Variants in GPC3 observed in about 807,000 individuals in gnomAD.
GPC3 encodes glypican 3, also known as glypican-3.
A neutral mutation model predicts 34.4 loss-of-function variants in GPC3; 3 were observed. The ratio of observed to expected loss-of-function variants is 0.09; its 90% CI spans 0.04 to 0.23. The LOEUF is 0.23. Among genes scored for constraint, GPC3 ranks in the 10% least tolerant of loss-of-function variants. GPC3 has a pLI of 1.00. For synonymous variants in GPC3, 177 were observed against 174.0 expected, an observed-to-expected ratio of 1.02 and a Z score of -0.13; for missense variants, 351 against 445.6, an observed-to-expected ratio of 0.79 and a Z score of 1.91.
intron 3 of GPC3, among the ~76,000 whole-genome samples, chrX:133,742,743 T>C (rs1201545230): frequency 9.0e-6 from 1 of 111,570 alleles, no homozygotes; most frequent in Non-Finnish European, 1.9e-5. Context: ...CTGATTACAA[T>C]CACTCTTCCC....
At chrX:133,601,863 C>A (rs1174811025) in intron 6 of GPC3, among the ~76,000 whole-genome samples, 1 of 111,591 alleles carries the variant, frequency 9.0e-6, no homozygotes, top group Non-Finnish European at 1.9e-5. Flanking sequence ...ATGGAGGTTT[C>A]TCAAAAAACT....
intron 2 of GPC3, among the ~76,000 whole-genome samples, chrX:133,828,636 G>C: frequency 9.0e-6 from 1 of 111,598 alleles, no homozygotes; most frequent in Non-Finnish European, 1.9e-5. Flanking sequence ...TGAAAAGGTT[G>C]AACTCACAGA....
chrX:133,661,487 AGACT>A (rs773588649), intron 6 of GPC3, among the ~76,000 whole-genome samples: 1 of 110,003 alleles, frequency 9.1e-6, no homozygotes, highest in Non-Finnish European at 1.9e-5. Context: ...TCTAGCAGAC[AGACT>A]ATTTGAAGAA....
intron 7 of GPC3, among the ~76,000 whole-genome samples, chrX:133,581,787 A>T (rs1469890738): frequency 8.9e-6 from 1 of 112,259 alleles, no homozygotes; most frequent in Admixed American, 9.4e-5. Flanking sequence ...TTCCACTCCA[A>T]TGGAGTCAGA....
At chrX:133,844,951 T>C (rs1422098735) in intron 2 of GPC3, among the ~76,000 whole-genome samples, 1 of 111,422 alleles carries the variant, frequency 9.0e-6, no homozygotes, top group African/African-American at 3.3e-5. Context: ...AAATACCTAA[T>C]CCAGGGCCAA....
At chrX:133,663,377 G>A (rs781527522) in intron 5 of GPC3, among the ~76,000 whole-genome samples, 2 of 111,301 alleles carry the variant, frequency 1.8e-5, no homozygotes, top group African/African-American at 3.2e-5. Flanking sequence ...CGTCCACCTC[G>A]GCCTCCCAAA....
At chrX:133,633,417 G>C (rs1220204900) in intron 6 of GPC3, among the ~76,000 whole-genome samples, 1 of 112,095 alleles carries the variant, frequency 8.9e-6, no homozygotes, top group Non-Finnish European at 1.9e-5. Flanking sequence ...TCAGGTATGG[G>C]AGGAAACACT....
At chrX:133,844,354 C>T (rs750644164) in intron 2 of GPC3, among the ~76,000 whole-genome samples, 30 of 112,111 alleles carry the variant, frequency 2.7e-4, no homozygotes, top group Non-Finnish European at 5.1e-4. Flanking sequence ...TTGTGATCAT[C>T]ATTTCACAAT....
chrX:133,947,686 T>C (rs771061458), intron 2 of GPC3, among the ~76,000 whole-genome samples: 3 of 112,260 alleles, frequency 2.7e-5, no homozygotes, highest in Non-Finnish European at 5.6e-5. Context: ...GTTGGTGCCA[T>C]GAAAGTCCAC....
At chrX:133,871,938 C>T (rs781044603) in intron 2 of GPC3, among the ~76,000 whole-genome samples, 87 of 111,624 alleles carry the variant, frequency 7.8e-4, no homozygotes, top group Middle Eastern at 4.7e-3. Flanking sequence ...CAGGTAACCA[C>T]AGCCACCCTC....
At chrX:133,932,824 G>A (rs2076304329) in intron 2 of GPC3, among the ~76,000 whole-genome samples, 1 of 110,831 alleles carries the variant, frequency 9.0e-6, no homozygotes, top group Non-Finnish European at 1.9e-5. Flanking sequence ...ACCTATTAAT[G>A]GACCCCAGTT....
intron 4 of GPC3, among the ~76,000 whole-genome samples, chrX:133,692,870 T>A (rs762414515): frequency 8.9e-6 from 1 of 111,797 alleles, no homozygotes; most frequent in South Asian, 3.8e-4. Context: ...TGTAATTGGG[T>A]GCATTGATTG....
chrX:133,595,696 G>A (rs1367616264), intron 7 of GPC3, among the ~76,000 whole-genome samples: 1 of 110,283 alleles, frequency 9.1e-6, no homozygotes, highest in Non-Finnish European at 1.9e-5. Context: ...TTGTATTTTT[G>A]TAGAGACAGG....
intron 2 of GPC3, among the ~76,000 whole-genome samples, chrX:133,940,346 C>G (rs2076340621): frequency 9.0e-6 from 1 of 111,634 alleles, no homozygotes; most frequent in Non-Finnish European, 1.9e-5. Flanking sequence ...TATCTTCTAG[C>G]TCCAAGGGAG....
At chrX:133,680,197 C>T (rs2070926557) in intron 5 of GPC3, among the ~76,000 whole-genome samples, 1 of 111,357 alleles carries the variant, frequency 9.0e-6, no homozygotes, top group South Asian at 3.8e-4. Context: ...TCTTAGTGCT[C>T]CCTAATAGTA....
At chrX:133,717,449 C>T (rs1331388546) in intron 3 of GPC3, among the ~76,000 whole-genome samples, 3 of 111,186 alleles carry the variant, frequency 2.7e-5, no homozygotes, top group Non-Finnish European at 5.7e-5. Flanking sequence ...AGTTAAAGAT[C>T]GACCTCTGAC....
chrX:133,831,133 A>G (rs1462020762), intron 2 of GPC3, among the ~76,000 whole-genome samples: 1 of 111,897 alleles, frequency 8.9e-6, no homozygotes, highest in Non-Finnish European at 1.9e-5. Context: ...TTAAGGGGTA[A>G]CATGAGGGAG....
In GPC3 at chrX:133,905,671, A is replaced by G. The variant is rs1037150250; in HGVS notation, c.337+47379T>C. 3.8e-4 allele frequency among the ~76,000 whole-genome samples: 43 copies of G among 111,850 alleles called. 1 individual carries two copies. The highest frequency in any genetic ancestry group is 3.5e-3 in the Admixed American group (37 of 10,520). Reference sequence around the variant, plus strand: ...TTTCTTTGGCTTTGTAGAAATGTCAATCTAATACCGTATGAAACTTTTCAT... The same window carrying G: ...TTTCTTTGGCTTTGTAGAAATGTCAGTCTAATACCGTATGAAACTTTTCAT... On this transcript the variant is annotated intron_variant, in intron 2 of 7. Coordinates refer to ENST00000370818, the MANE Select transcript of GPC3 (RefSeq NM_004484.4).
rs115518035 is a variant in GPC3, at chrX:133,559,701, G to A, written c.1574-23408C>T. Among the ~76,000 whole-genome samples the A allele has an allele frequency of 1.2e-3, 136 of 111,867 alleles. 2 individuals are homozygous for A. Among genetic ancestry groups the A allele is most frequent in the African/African-American group, 4.3e-3 (131 of 30,812 alleles). ...CAAACTTGTATAATACTAAATACTT[G>A]TACTCACTTCTCAAATGAGATAAGA... On this transcript the variant is annotated intron_variant, in intron 7 of 7. Transcript: ENST00000370818.
Sources: gnomAD v4.1 joint callset for allele counts (sites outside exome capture counted in the v4.1 genomes callset) on GRCh38, gnomAD v4.1.1 for gene constraint, MANE v1.5 for transcripts, NCBI Gene and HGNC (gene_info 2026-07-23, HGNC 2026-07-21) for gene names.